The following WFDC1 variants were observed in gnomAD, a reference collection of about 807,000 sequenced individuals.
WFDC1 encodes WAP four-disulfide core domain protein 1.
A neutral mutation model predicts 32.9 loss-of-function variants in WFDC1; 39 were observed. The observed-to-expected ratio is 1.19, with a 90% confidence interval of 0.92 to 1.55. The LOEUF is 1.55. Among genes scored for constraint, WFDC1 ranks in the 40% most tolerant of loss-of-function variants. The pLI is 0.00. For missense variants in WFDC1, 386 were observed against 309.5 expected (o/e 1.25, Z -1.85); for synonymous variants, 184 against 137.4 (o/e 1.34, Z -2.37).
At chr16:84,316,645 C>T (rs1260478566) in intron 2 of WFDC1, 3 of 151,854 alleles carry the variant, frequency 2.0e-5, no homozygotes, top group Admixed American at 2.0e-4. Context: ...TTTAAAATTA[C>T]TTGTCAACAC....
At chr16:84,315,432 C>G (rs1907892125) in intron 2 of WFDC1, among the ~76,000 whole-genome samples, 2 of 152,216 alleles carry the variant, frequency 1.3e-5, no homozygotes, top group African/African-American at 4.8e-5. Context: ...TGCTGTAACC[C>G]CAGCATCTAA....
chr16:84,306,547 C>G (rs1244915724), intron 1 of WFDC1, among the ~76,000 whole-genome samples: 1 of 152,196 alleles, frequency 6.6e-6, no homozygotes, highest in Non-Finnish European at 1.5e-5. Context: ...ACCCACTCCC[C>G]TAATTCACAT....
intron 1 of WFDC1, among the ~76,000 whole-genome samples, chr16:84,304,697 G>A (rs1196637530): frequency 6.6e-6 from 1 of 152,218 alleles, no homozygotes; most frequent in Non-Finnish European, 1.5e-5. Context: ...TTTCAGGAAG[G>A]TGTCGTCCGT....
At chr16:84,305,011 C>A (rs244841) in intron 1 of WFDC1, among the ~76,000 whole-genome samples, 2 of 152,066 alleles carry the variant, frequency 1.3e-5, no homozygotes, top group African/African-American at 2.4e-5. Context: ...AGGACAGACC[C>A]AGGTTCGAGT....
intron 1 of WFDC1, among the ~76,000 whole-genome samples, chr16:84,310,954 A>C (rs894386523): frequency 1.3e-5 from 2 of 152,208 alleles, no homozygotes; most frequent in Non-Finnish European, 2.9e-5. Flanking sequence ...GAAGCATTTT[A>C]GATTAAAGGA....
intron 1 of WFDC1, among the ~76,000 whole-genome samples, chr16:84,309,498 G>A (rs1907480323): frequency 6.6e-6 from 1 of 152,104 alleles, no homozygotes; most frequent in African/African-American, 2.4e-5. Flanking sequence ...GGGGACTTGG[G>A]CCTGGGGTGG....
intron 1 of WFDC1, among the ~76,000 whole-genome samples, chr16:84,304,108 T>C (rs1011705945): frequency 6.6e-6 from 1 of 152,240 alleles, no homozygotes; most frequent in Admixed American, 6.5e-5. Flanking sequence ...TTTGCTTTAA[T>C]TGAATCTGGA....
chr16:84,318,458 C>A, intron 3 of WFDC1, 103 bp downstream of exon 3: 1 of 1,106,168 alleles, frequency 9.0e-7, no homozygotes, highest in Non-Finnish European at 1.3e-6. Flanking sequence ...CCCCCATGCA[C>A]GGGCCCTTCA....
intron 5 of WFDC1, among the ~76,000 whole-genome samples, chr16:84,324,765 C>T (rs953166860): frequency 6.6e-6 from 1 of 152,148 alleles, no homozygotes; most frequent in Non-Finnish European, 1.5e-5. Flanking sequence ...TCCATTCATC[C>T]ATCTAATCAT....
chr16:84,310,818 C>T (rs1391906693), intron 1 of WFDC1, among the ~76,000 whole-genome samples: 2 of 152,130 alleles, frequency 1.3e-5, no homozygotes, highest in Non-Finnish European at 2.9e-5. Flanking sequence ...TTTGCCAACA[C>T]CTTAAAGGCA....
chr16:84,300,407 G>A (rs918630192), intron 1 of WFDC1, among the ~76,000 whole-genome samples: 2 of 152,238 alleles, frequency 1.3e-5, no homozygotes, highest in African/African-American at 4.8e-5. Context: ...TCCCTGAAGG[G>A]CGCCTTCCCT....
rs576864197 is a variant in WFDC1 at position 84,302,185 on chromosome 16, C to T, written c.144+7070C>T. Among the ~76,000 whole-genome samples the T allele has an allele frequency of 2.3e-3, 353 of 152,070 alleles. 3 individuals are homozygous for T. The highest frequency in any genetic ancestry group is 4.7e-3 in the Admixed American group (71 of 15,260). On this transcript the variant is annotated intron_variant, in intron 1 of 6. Coordinates refer to ENST00000219454, the MANE Select transcript of WFDC1 (RefSeq NM_021197.4). ...AATCCAGCGGGACGGGAAGGAGATT[C>T]TTGGTTGCCAGGGGCTGGGGGAGGG...
rs951966564 is a variant in WFDC1, at chr16:84,319,309, G to T, written c.422-122G>T. The T allele has an allele frequency of 2.9e-6, 4 of 1,386,418 alleles. No individual in the cohort carries two copies. In the African/African-American group the frequency reaches 4.3e-5, roughly 15 times the overall value. The allele number at this position is 1,386,418 out of a possible 1,614,324, so 85.9% of individuals were successfully genotyped here. The stretch of plus-strand genomic sequence containing the variant: ...CTGGAACCTGGGGTACAGAGGCGAG[G>T]CCGCCTCTCTGGGTGAGGTGCGTTC... On this transcript the variant is annotated intron_variant, in intron 3 of 6. Coordinates refer to ENST00000219454, the MANE Select transcript of WFDC1 (RefSeq NM_021197.4).
rs758540231 is a variant in WFDC1, at chr16:84,319,563, G to A, written c.554G>A (p.Arg185Gln). ...CGTGGGCAGTGCGTCAAGCAGCGCCGGCAAGCAGGTGAGTGTGGCACCCCA... is the reference window on the plus strand; with the variant it reads ...CGTGGGCAGTGCGTCAAGCAGCGCCAGCAAGCAGGTGAGTGTGGCACCCCA... Reference protein sequence around the residue: ...PNRGQCVKQRRQADGRILRHK... With the variant: ...PNRGQCVKQRQQADGRILRHK... The change falls in exon 4 of 7, where the codon CGG (arginine) becomes CAG (glutamine). Residue 185 changes from arginine to glutamine, a missense_variant. By Grantham distance (43) the Arg-to-Gln change is conservative. Transcript: ENST00000219454. 59 of 1,612,128 alleles carry A rather than the reference G, an allele frequency of 3.7e-5. No individual in the cohort carries two copies. Among genetic ancestry groups the A allele is most frequent in the East Asian group, 8.9e-5 (4 of 44,896 alleles).
At chr16:84,300,436 C>G (rs1906867386) in intron 1 of WFDC1, among the ~76,000 whole-genome samples, 1 of 152,260 alleles carries the variant, frequency 6.6e-6, no homozygotes, top group African/African-American at 2.4e-5. Context: ...CAGCTTCCCA[C>G]TCCCCAGCTG....
chr16:84,324,565 A>G, intron 5 of WFDC1, 105 bp downstream of exon 5: 1 of 1,273,322 alleles, frequency 7.9e-7, no homozygotes, highest in Non-Finnish European at 1.1e-6. Flanking sequence ...GATATAGGGA[A>G]CAAAATGGGA....
At chr16:84,310,770 G>C (rs1022161836) in intron 1 of WFDC1, among the ~76,000 whole-genome samples, 1 of 152,176 alleles carries the variant, frequency 6.6e-6, no homozygotes, top group African/African-American at 2.4e-5. Flanking sequence ...ATATCCTGGC[G>C]ATCTTTCATA....
intron 4 of WFDC1, among the ~76,000 whole-genome samples, chr16:84,321,867 C>T (rs1908320535): frequency 6.6e-6 from 1 of 152,188 alleles, no homozygotes; most frequent in African/African-American, 2.4e-5. Flanking sequence ...TGGCCTTGAG[C>T]AGGTCACCCA....
chr16:84,309,429 A>T (rs1007943623), intron 1 of WFDC1, among the ~76,000 whole-genome samples: 4 of 151,900 alleles, frequency 2.6e-5, no homozygotes, highest in African/African-American at 9.7e-5. Flanking sequence ...TGCAGTTTGG[A>T]GAATGGATGG....
Sources: gnomAD v4.1 joint callset for allele counts (sites outside exome capture counted in the v4.1 genomes callset) on GRCh38, gnomAD v4.1.1 for gene constraint, MANE v1.5 for transcripts, NCBI Gene and HGNC (gene_info 2026-07-23, HGNC 2026-07-21) for gene names.